ADAM19: variants seen among roughly 807,000 people sequenced by gnomAD.
ADAM19 encodes the protein disintegrin and metalloproteinase domain-containing protein 19.
In ADAM19, 65 loss-of-function variants were observed where a neutral mutation model predicts 114.7. The observed-to-expected ratio is 0.57, with a 90% CI of 0.46 to 0.70. ADAM19 has a LOEUF of 0.70. Among genes scored for constraint, ADAM19 ranks in the 30% least tolerant of loss-of-function variants. ADAM19 has a pLI of 0.00. For synonymous variants in ADAM19, 466 were observed against 460.5 expected (o/e 1.01, Z -0.15); for missense variants, 1,063 against 1,204.7 (o/e 0.88, Z 1.74).
intron 2 of ADAM19, among the ~76,000 whole-genome samples, chr5:157,564,799 AG>A (rs1158348008): frequency 1.3e-5 from 2 of 152,186 alleles, no homozygotes; most frequent in African/African-American, 2.4e-5. Flanking sequence ...AGCTGTGTGA[AG>A]TCGGACATGT....
intron 7 of ADAM19, among the ~76,000 whole-genome samples, 192 bp downstream of exon 7, chr5:157,518,631 G>T (rs977373492): frequency 4.6e-5 from 7 of 152,194 alleles, no homozygotes; most frequent in Non-Finnish European, 1.0e-4. Context: ...TGATCCACCC[G>T]CCTTGCCCAC....
chr5:157,555,033 A>G (rs1757328498), intron 3 of ADAM19, among the ~76,000 whole-genome samples: 1 of 152,216 alleles, frequency 6.6e-6, no homozygotes, highest in Non-Finnish European at 1.5e-5. Flanking sequence ...TGCTAACCAA[A>G]AAAGAGCCCA....
At chr5:157,564,549 G>T (rs1398108143) in intron 2 of ADAM19, 106 bp from the exon 3 acceptor site, 5 of 957,084 alleles carry the variant, frequency 5.2e-6, no homozygotes, top group Non-Finnish European at 6.8e-6. Context: ...CACAGGAAGT[G>T]AATGAGCAAA....
At chr5:157,537,613 T>C (rs115238927) in intron 4 of ADAM19, among the ~76,000 whole-genome samples, 1 of 152,226 alleles carries the variant, frequency 6.6e-6, no homozygotes, top group Non-Finnish European at 1.5e-5. Context: ...TTTGTTAACA[T>C]GTGGGTAATT....
At chr5:157,530,304 G>C (rs1003084225) in intron 5 of ADAM19, among the ~76,000 whole-genome samples, 1 of 152,102 alleles carries the variant, frequency 6.6e-6, no homozygotes, top group Non-Finnish European at 1.5e-5. Context: ...TAAGGACAGA[G>C]AGCCCATAAA....
At chr5:157,539,350 G>C (rs1450494166) in intron 3 of ADAM19, among the ~76,000 whole-genome samples, 1 of 152,182 alleles carries the variant, frequency 6.6e-6, no homozygotes, top group African/African-American at 2.4e-5. Flanking sequence ...AATGTAGGCT[G>C]AGGCCAGCAC....
In ADAM19 at chr5:157,490,300, C is replaced by A; in HGVS notation, c.2240+10G>T. ...ATTGACCCTGAGTCCTCCATTGAACCCTGTCATACCTGAACTGTTGCCTCA... is the reference window on the plus strand; with the variant it reads ...ATTGACCCTGAGTCCTCCATTGAACACTGTCATACCTGAACTGTTGCCTCA... On this transcript the variant is annotated intron_variant, in intron 19 of 22. Transcript: ENST00000257527. 6.2e-7 allele frequency: 1 copy of A among 1,613,932 alleles called. No homozygotes were observed. The highest frequency in any genetic ancestry group is 8.5e-7 in the Non-Finnish European group (1 of 1,179,908).
In ADAM19 at chr5:157,570,895, C is replaced by A. The variant is rs1242547989; in HGVS notation, c.180G>T (p.Lys60Asn). 6.2e-7 allele frequency: 1 copy of A among 1,613,844 alleles called. No individual in the cohort carries two copies. Among genetic ancestry groups the A allele is most frequent in the Non-Finnish European group, 8.5e-7 (1 of 1,179,912 alleles). Residue 60 changes from lysine to asparagine, a missense_variant and splice_region_variant, in exon 2 of 23, where the codon AAG (lysine) becomes AAT (asparagine). Lys to Asn is a moderately conservative substitution (Grantham distance 94, BLOSUM62 0). Transcript: ENST00000257527. ...GTAAATGAGGTCTTTTGAGTCTTAC[C>A]TTTTCTCTCACGGGGCTTTCTGAAG... Reference protein sequence around the residue: ...WKTSESPVREKHPLKAELRVM... With the variant: ...WKTSESPVRENHPLKAELRVM...
chr5:157,480,348 G>A lies in ADAM19; in HGVS notation c.*601C>T. ...CCCGTGTGAATACAGGGATGCAGGG[G>A]TTTGGGGAGAGGTGGGAGGGGACGT... On this transcript the variant is annotated 3_prime_UTR_variant, in exon 23 of 23. Coordinates refer to ENST00000257527, the MANE Select transcript of ADAM19 (RefSeq NM_033274.5). 1.0e-6 allele frequency: 1 copy of A among 987,576 alleles called. No individual in the cohort carries two copies. The highest frequency in any genetic ancestry group is 1.2e-6 in the Non-Finnish European group (1 of 831,454). The allele number at this position is 987,576 out of a possible 1,614,324, so 61.2% of individuals were successfully genotyped here.
chr5:157,566,487 A>G (rs1368762925), intron 2 of ADAM19: 1 of 152,042 alleles, frequency 6.6e-6, no homozygotes, highest in African/African-American at 2.4e-5. Context: ...ATCTCTTTTT[A>G]CTTTATTATT....
chr5:157,513,525 C>A lies in ADAM19; in HGVS notation c.667-20G>T, dbSNP rs763014652. The A allele has an allele frequency of 9.9e-6, 16 of 1,610,414 alleles. 1 individual carries two copies. The South Asian group carries it at 1.4e-4, about 14-fold the overall frequency. ...CTGAAACTAAATGGGACAAGCAGAA[C>A]CATGTGAGATCCCAGAACCTCTCAC... On this transcript the variant is annotated intron_variant, in intron 7 of 22. Transcript: ENST00000257527.
intron 3 of ADAM19, among the ~76,000 whole-genome samples, chr5:157,559,129 GT>G (rs1757440820): frequency 6.6e-6 from 1 of 152,188 alleles, no homozygotes; most frequent in Admixed American, 6.5e-5. Context: ...GACAATTGCT[GT>G]TCCCCAGGTG....
At chr5:157,509,497 T>C (rs1468992064) in intron 8 of ADAM19, 30 bp from the exon 9 acceptor site, 7 of 1,496,246 alleles carry the variant, frequency 4.7e-6, no homozygotes, top group Non-Finnish European at 9.0e-7. Context: ...CCACAGTATC[T>C]GTCAATACCA....
chr5:157,481,799 C>T lies in ADAM19; in HGVS notation c.2695G>A (p.Ala899Thr), dbSNP rs1157439299. Residue 899 changes from alanine (A) to threonine (T), a missense_variant, in exon 22 of 23, where the codon GCC becomes ACC. Transcript: ENST00000257527. ...PQQSRPLAAL[A>T]PKFPEYRSQR... ...GCTTCCCGTGGACTCACCTTTGGGG[C>T]AAGTGCTGCCAGAGGCCGGGACTGC... 1.9e-6 allele frequency: 3 copies of T among 1,573,052 alleles called. No individual in the cohort carries two copies. The highest frequency in any genetic ancestry group is 1.9e-5 in the Admixed American group (1 of 53,552).
At chr5:157,562,790 A>G (rs561751141) in intron 3 of ADAM19, among the ~76,000 whole-genome samples, 216 of 152,218 alleles carry the variant, frequency 1.4e-3, no homozygotes, top group African/African-American at 4.6e-3. Flanking sequence ...TTAGCTTCCT[A>G]TGGTCTGTAG....
At chr5:157,503,457 C>G (rs1404006820) in intron 11 of ADAM19, among the ~76,000 whole-genome samples, 1 of 150,214 alleles carries the variant, frequency 6.7e-6, no homozygotes, top group Admixed American at 6.7e-5. Flanking sequence ...CAAACCTGCA[C>G]GTTGTGCACA....
At chr5:157,530,408 G>A (rs2902556) in intron 5 of ADAM19, among the ~76,000 whole-genome samples, 46,991 of 151,988 alleles carry the variant, frequency 0.31, 8,022 homozygotes, top group African/African-American at 0.45. Context: ...CAAGAAGGGC[G>A]TCTGCTGACA....
chr5:157,554,135 T>C (rs1371753327), intron 3 of ADAM19, among the ~76,000 whole-genome samples: 1 of 152,232 alleles, frequency 6.6e-6, no homozygotes, highest in African/African-American at 2.4e-5. Flanking sequence ...TGGTAAATGC[T>C]CACTCCCTCA....
chr5:157,570,938 A>G lies in ADAM19; in HGVS notation c.137T>C (p.Ile46Thr). 1.2e-6 allele frequency: 2 copies of G among 1,614,180 alleles called. No individual in the cohort carries two copies. Among genetic ancestry groups the G allele is most frequent in the Non-Finnish European group, 1.7e-6 (2 of 1,180,024 alleles). ...TTCTGAAGTCTTCCACTGAGGTATG[A>G]TAAGTTCATGCTGCAGCTTGGGGCT... The part of the protein sequence containing the change: ...EGSPKLQHEL[I>T]IPQWKTSESP... The change falls in exon 2 of 23, where the codon ATC (isoleucine) becomes ACC (threonine). Residue 46 changes from isoleucine to threonine, a missense_variant. By Grantham distance (89) the Ile-to-Thr change is moderately conservative. Around this residue, in one of 3 missense-constraint regions of ADAM19, gnomAD observed 615 missense variants for 706.3 expected, o/e 0.87. Transcript: ENST00000257527.
Sources: allele counts gnomAD v4.1 joint callset (sites outside exome capture counted in the v4.1 genomes callset), GRCh38; gene constraint gnomAD v4.1.1; regional missense constraint gnomAD v4.1.1; transcripts MANE v1.5; gene names NCBI Gene and HGNC (gene_info 2026-07-23, HGNC 2026-07-21).